Variants in CD40 observed in about 807,000 individuals in gnomAD.
The protein encoded by CD40 is CD40 molecule, also known as tumor necrosis factor receptor superfamily member 5.
A neutral mutation model predicts 38.5 loss-of-function variants in CD40; 19 were observed. The ratio of observed to expected loss-of-function variants is 0.49; its 90% CI spans 0.34 to 0.72. The LOEUF (loss-of-function observed/expected upper bound fraction) is 0.72, where lower values mean the gene tolerates loss of function less well. Ranked by LOEUF, CD40 falls within the 30% of genes least tolerant of loss-of-function variation. The probability of loss-of-function intolerance (pLI) is 0.01; values close to 1 mark genes in which losing one functional copy is unlikely to be tolerated. For synonymous variants in CD40, 130 were observed against 128.7 expected, an observed-to-expected ratio of 1.01 and a Z score of -0.07; for missense variants, 256 against 344.1, an observed-to-expected ratio of 0.74 and a Z score of 2.03.
intron 1 of CD40, 31 bp downstream of exon 1, chr20:46,118,425 G>A (rs752984488): frequency 1.3e-6 from 2 of 1,554,702 alleles, no homozygotes; most frequent in Non-Finnish European, 1.8e-6. Context: ...CCAGACGGGA[G>A]TTGGGAGTGG....
chr20:46,123,292 T>A, intron 5 of CD40, 73 bp downstream of exon 5: 1 of 1,133,396 alleles, frequency 8.8e-7, no homozygotes, highest in Non-Finnish European at 1.3e-6. Context: ...TCCAGCCACC[T>A]GTCCTGTCCC....
rs2085337075 is a variant in CD40, at chr20:46,122,407, C to T, written c.256+49C>T. ...ACGCTTGGGAACCGGGCTGATATTCCCGACAATGCAGCCATTCTAATTTTA... is the reference window on the plus strand; with the variant it reads ...ACGCTTGGGAACCGGGCTGATATTCTCGACAATGCAGCCATTCTAATTTTA... On this transcript the variant is annotated intron_variant, in intron 3 of 8. Coordinates refer to ENST00000372285, the MANE Select transcript of CD40 (RefSeq NM_001250.6). The surrounding 1 kb of genome is among the most constrained non-coding windows in gnomAD (Gnocchi z 5.0). 1.2e-6 allele frequency: 2 copies of T among 1,613,106 alleles called. No individual in the cohort carries two copies. The highest frequency in any genetic ancestry group is 1.7e-6 in the Non-Finnish European group (2 of 1,179,554).
intron 1 of CD40, 73 bp downstream of exon 1, chr20:46,118,467 G>C: frequency 1.4e-6 from 2 of 1,394,178 alleles, no homozygotes; most frequent in East Asian, 2.3e-5. Flanking sequence ...GAAGACTTCG[G>C]GGAAGAGGCC....
intron 1 of CD40, 28 bp downstream of exon 1, chr20:46,118,422 G>A (rs1389743606): frequency 1.2e-6 from 2 of 1,610,946 alleles, no homozygotes; most frequent in Admixed American, 3.3e-5. Context: ...CGACCAGACG[G>A]GAGTTGGGAG....
Position 46,122,215 on chromosome 20 carries a change from T to C in CD40, c.131-18T>C. On this transcript the variant is annotated intron_variant, in intron 2 of 8. Transcript: ENST00000372285. This position sits in a 1 kb window ranked among gnomAD's most constrained non-coding sequence, Gnocchi z 5.0. ...TGGAGTTGGCCAGAGCCCTCCCTCA[T>C]TTCCTGATGTTTTCCAGGACAGAAA... The C allele has an allele frequency of 6.2e-7, 1 of 1,614,126 alleles. No homozygotes were observed. Among genetic ancestry groups the C allele is most frequent in the Non-Finnish European group, 8.5e-7 (1 of 1,180,010 alleles).
Position 46,129,172 on chromosome 20 carries a change from A to G in CD40, c.*132A>G. ...GGCATAGCTCCCCGCTTCTGCCTGC[A>G]CCCCTGCAGTTTGAGACAGGAGACC... On this transcript the variant is annotated 3_prime_UTR_variant, in exon 9 of 9. Transcript: ENST00000372285. 1 of 987,330 alleles carries G rather than the reference A, an allele frequency of 1.0e-6. No homozygotes were observed. The highest frequency in any genetic ancestry group is 1.6e-6 in the Non-Finnish European group (1 of 637,362). 61.2% of individuals were successfully genotyped at this position (987,330 alleles called of 1,614,324 possible). A position where few individuals can be genotyped will look rare whatever the true frequency, so the allele number is the denominator to read the frequency against.
Position 46,129,218 on chromosome 20 carries a change from G to A in CD40, c.*178G>A, listed in dbSNP as rs565941222. 850 of 686,298 alleles carry A rather than the reference G, an allele frequency of 1.2e-3. 9 individuals are homozygous for A. Among genetic ancestry groups the A allele is most frequent in the Middle Eastern group, 7.4e-3 (21 of 2,844 alleles). 42.5% of individuals were successfully genotyped at this position (686,298 alleles called of 1,614,324 possible). A position where few individuals can be genotyped will look rare whatever the true frequency, so the allele number is the denominator to read the frequency against. The stretch of plus-strand genomic sequence containing the variant: ...AGACCTGGCACTGGATGCAGAAACA[G>A]TTCACCTTGAAGAACCTCTCACTTC... On this transcript the variant is annotated 3_prime_UTR_variant, in exon 9 of 9. Transcript: ENST00000372285.
chr20:46,127,002 G>T (rs113827260), intron 6 of CD40: 9,611 of 461,528 alleles, frequency 0.021, 156 homozygotes, highest in Non-Finnish European at 0.026. Context: ...AAGGTCAGGG[G>T]TAAGAAAATT....
At chr20:46,123,978 C>G (rs1017656097) in intron 5 of CD40, among the ~76,000 whole-genome samples, 5 of 152,236 alleles carry the variant, frequency 3.3e-5, no homozygotes, top group African/African-American at 1.2e-4. Flanking sequence ...TCTCTTCCAT[C>G]AAACTCATCT....
chr20:46,123,129 C>T lies in CD40; in HGVS notation c.407C>T (p.Thr136Ile). ...CCCCCTCCCCACCCACTCCCAGCTACAGGGGTTTCTGATACCATCTGCGAG... is the reference window on the plus strand; with the variant it reads ...CCCCCTCCCCACCCACTCCCAGCTATAGGGGTTTCTGATACCATCTGCGAG... ...SPGFGVKQIA[T>I]GVSDTICEPC... The change falls in exon 5 of 9, where the codon ACA (threonine) becomes ATA (isoleucine). Residue 136 changes from threonine to isoleucine, a missense_variant. By Grantham distance (89) the Thr-to-Ile change is moderately conservative (BLOSUM62 -1). Coordinates refer to ENST00000372285, the MANE Select transcript of CD40 (RefSeq NM_001250.6). 6.2e-7 allele frequency: 1 copy of T among 1,613,578 alleles called. No individual in the cohort carries two copies. Among genetic ancestry groups the T allele is most frequent in the Non-Finnish European group, 8.5e-7 (1 of 1,179,464 alleles).
chr20:46,124,759 T>A (rs1232931573), intron 5 of CD40, among the ~76,000 whole-genome samples: 2 of 100,078 alleles, frequency 2.0e-5, no homozygotes, highest in South Asian at 7.0e-4. Context: ...TAGTTTTTTT[T>A]TTTTTTTTTT....
At chr20:46,125,057 G>A (rs1224537912) in intron 5 of CD40, among the ~76,000 whole-genome samples, 3 of 150,652 alleles carry the variant, frequency 2.0e-5, no homozygotes, top group South Asian at 2.1e-4. Flanking sequence ...GTGAGCCACC[G>A]TGCCCGGCCA....
Position 46,122,252 on chromosome 20 carries a change from C to T in CD40, c.150C>T (p.Asp50=). The T allele has an allele frequency of 6.2e-7, 1 of 1,614,200 alleles. No individual in the cohort carries two copies. Among genetic ancestry groups the T allele is most frequent in the East Asian group, 2.2e-5 (1 of 44,888 alleles). ...LCQPGQKLVS[D]CTEFTETECL... ...TTCCAGGACAGAAACTGGTGAGTGA[C>T]TGCACAGAGTTCACTGAAACGGAAT... Residue 50 remains aspartate, a synonymous_variant, in exon 3 of 9, where the codon GAC becomes GAT. Coordinates refer to ENST00000372285, the MANE Select transcript of CD40 (RefSeq NM_001250.6). This position sits in a 1 kb window ranked among gnomAD's most constrained non-coding sequence, Gnocchi z 5.0.
chr20:46,122,683 C>T lies in CD40; in HGVS notation c.330C>T (p.His110=), dbSNP rs771189629. The T allele has an allele frequency of 6.2e-7, 1 of 1,614,182 alleles. No individual in the cohort carries two copies. Among genetic ancestry groups the T allele is most frequent in the Non-Finnish European group, 8.5e-7 (1 of 1,180,028 alleles). The change falls in exon 4 of 9, where the codon CAC becomes CAT. Residue 110 remains histidine, a synonymous_variant. Coordinates refer to ENST00000372285, the MANE Select transcript of CD40 (RefSeq NM_001250.6). This position sits in a 1 kb window ranked among gnomAD's most constrained non-coding sequence, Gnocchi z 5.0. ...DTICTCEEGW[H]CTSEACESCV... is the part of the protein sequence containing the mutation. The stretch of plus-strand genomic sequence containing the variant: ...TCTGCACCTGTGAAGAAGGCTGGCA[C>T]TGTACGAGTGAGGCCTGTGAGAGCT...
At chr20:46,128,719 G>A in intron 8 of CD40, 163 bp from the exon 9 acceptor site, 3 of 732,830 alleles carry the variant, frequency 4.1e-6, no homozygotes, top group Non-Finnish European at 2.3e-6. Flanking sequence ...CGTCGCCCTT[G>A]GTGTGGCCAG....
intron 5 of CD40, among the ~76,000 whole-genome samples, chr20:46,123,525 G>A (rs187284511): frequency 1.4e-4 from 22 of 152,150 alleles, no homozygotes; most frequent in Admixed American, 2.0e-4. Flanking sequence ...AGTTTTCCTC[G>A]TCTTGCTTTC....
intron 1 of CD40, 114 bp downstream of exon 1, chr20:46,118,508 G>A: frequency 1.3e-6 from 1 of 755,830 alleles, no homozygotes; most frequent in Non-Finnish European, 2.3e-6. Context: ...GGGCAGGAGG[G>A]TGGGTGGGAG....
At chr20:46,124,485 A>G (rs928978285) in intron 5 of CD40, among the ~76,000 whole-genome samples, 6 of 152,062 alleles carry the variant, frequency 3.9e-5, no homozygotes, top group African/African-American at 1.2e-4. Context: ...GATTCTACAT[A>G]TAAACAAACC....
chr20:46,124,287 G>C (rs763237756), intron 5 of CD40, among the ~76,000 whole-genome samples: 10 of 152,164 alleles, frequency 6.6e-5, no homozygotes, highest in Non-Finnish European at 1.5e-4. Flanking sequence ...GCAACAGAGC[G>C]ACATTCTGTC....
Sources: allele counts gnomAD v4.1 joint callset (sites outside exome capture counted in the v4.1 genomes callset), GRCh38; gene constraint gnomAD v4.1.1; non-coding constraint Gnocchi (gnomAD v3.1); transcripts MANE v1.5; gene names NCBI Gene and HGNC (gene_info 2026-07-23, HGNC 2026-07-21).